Variants in CPNE4 observed in about 807,000 individuals in gnomAD.
The protein encoded by CPNE4 is copine 4, also known as copine-4.
Under a neutral mutation model 67.9 loss-of-function variants are expected in CPNE4, and 25 were observed. That is an observed-to-expected ratio of 0.37 (90% CI 0.27 to 0.51). CPNE4 has a LOEUF of 0.51. Among genes scored for constraint, CPNE4 ranks in the 20% least tolerant of loss-of-function variants. The probability of loss-of-function intolerance (pLI) is 0.93; values close to 1 mark genes in which losing one functional copy is unlikely to be tolerated. For synonymous variants in CPNE4, 242 were observed against 244.9 expected (o/e 0.99, Z 0.11); for missense variants, 464 against 690.8 (o/e 0.67, Z 3.68).
At chr3:131,960,991 A>G (rs1360280571) in intron 1 of CPNE4, among the ~76,000 whole-genome samples, 2 of 152,178 alleles carry the variant, frequency 1.3e-5, no homozygotes, top group African/African-American at 4.8e-5. Context: ...GCTTGGTCCT[A>G]TAACAATGGT....
intron 2 of CPNE4, among the ~76,000 whole-genome samples, chr3:131,892,160 A>G (rs147185165): frequency 2.0e-5 from 3 of 152,088 alleles, no homozygotes; most frequent in African/African-American, 7.2e-5. Context: ...GCCCCTATAA[A>G]AATCCTTGCT....
rs113581237 is a variant in CPNE4 at position 131,746,517 on chromosome 3, G to T, written c.181-22892C>A. Among the ~76,000 whole-genome samples the T allele has an allele frequency of 1.2e-3, 181 of 152,176 alleles. 1 individual carries two copies. Among genetic ancestry groups the T allele is most frequent in the African/African-American group, 4.2e-3 (175 of 41,544 alleles). On this transcript the variant is annotated intron_variant, in intron 2 of 15. Transcript: ENST00000429747. ...TAGATTTCACATATGAGTGAGATAA[G>T]GTGGTATCTGTCTTTCTGTGCCAGA...
At chr3:131,974,833 C>G (rs1192899327) in intron 1 of CPNE4, among the ~76,000 whole-genome samples, 1 of 152,116 alleles carries the variant, frequency 6.6e-6, no homozygotes, top group Non-Finnish European at 1.5e-5. Flanking sequence ...CATGGCAAAA[C>G]CCTGTCTCTA....
chr3:131,656,102 G>A (rs1401577577), intron 7 of CPNE4, among the ~76,000 whole-genome samples: 2 of 148,476 alleles, frequency 1.3e-5, no homozygotes, highest in Admixed American at 1.4e-4. Flanking sequence ...CATTCCTGAA[G>A]GAGTGCTTTT....
intron 1 of CPNE4, among the ~76,000 whole-genome samples, chr3:131,960,356 C>T (rs1425438921): frequency 1.3e-5 from 2 of 152,102 alleles, no homozygotes; most frequent in Admixed American, 6.5e-5. Context: ...TAGGCTATTA[C>T]AGCTAACCAA....
chr3:131,668,993 G>A (rs1192449075), intron 7 of CPNE4, among the ~76,000 whole-genome samples: 1 of 152,138 alleles, frequency 6.6e-6, no homozygotes, highest in African/African-American at 2.4e-5. Context: ...GACCTAGACT[G>A]TGGAGGAAGT....
chr3:131,572,493 T>C (rs1447097474), intron 10 of CPNE4, among the ~76,000 whole-genome samples: 2 of 151,962 alleles, frequency 1.3e-5, no homozygotes, highest in East Asian at 3.9e-4. Flanking sequence ...CTTTGATCTC[T>C]GATGGCTGCC....
intron 2 of CPNE4, among the ~76,000 whole-genome samples, chr3:131,747,452 TATG>T (rs138508183): frequency 0.21 from 31,470 of 151,980 alleles, 3,993 homozygotes; most frequent in Non-Finnish European, 0.27. Context: ...GATTTTTGTA[TATG>T]ATAAGAACTT....
At chr3:131,871,757 G>A (rs1224289791) in intron 2 of CPNE4, among the ~76,000 whole-genome samples, 1 of 152,110 alleles carries the variant, frequency 6.6e-6, no homozygotes, top group Non-Finnish European at 1.5e-5. Context: ...TGAGCTACTG[G>A]TAATCTTCTA....
At chr3:131,808,657 TG>T (rs981190393) in intron 2 of CPNE4, among the ~76,000 whole-genome samples, 1 of 152,202 alleles carries the variant, frequency 6.6e-6, no homozygotes, top group Non-Finnish European at 1.5e-5. Context: ...TGAATAGAAC[TG>T]TTTCATGTGT....
At chr3:131,914,286 T>G (rs983393778) in intron 1 of CPNE4, among the ~76,000 whole-genome samples, 5 of 152,180 alleles carry the variant, frequency 3.3e-5, no homozygotes, top group Admixed American at 6.5e-5. Flanking sequence ...CCTTATAGGT[T>G]AGCTGCTTAA....
intron 7 of CPNE4, among the ~76,000 whole-genome samples, chr3:131,613,099 A>G (rs1262073761): frequency 6.6e-6 from 1 of 152,206 alleles, no homozygotes; most frequent in Non-Finnish European, 1.5e-5. Flanking sequence ...AGAGGAGTCC[A>G]TGGTTGGGTC....
chr3:131,933,746 T>C (rs2071137300), intron 1 of CPNE4, among the ~76,000 whole-genome samples: 1 of 150,556 alleles, frequency 6.6e-6, no homozygotes, highest in Non-Finnish European at 1.5e-5. Flanking sequence ...TTAATGAACC[T>C]GGAGGACATT....
intron 2 of CPNE4, among the ~76,000 whole-genome samples, chr3:131,864,228 T>A (rs1434611985): frequency 6.6e-6 from 1 of 151,154 alleles, no homozygotes. Flanking sequence ...AGTAGTTTTT[T>A]CCAATTCTGT....
At chr3:131,555,188 G>T (rs1936395698) in intron 12 of CPNE4, among the ~76,000 whole-genome samples, 1 of 151,958 alleles carries the variant, frequency 6.6e-6, no homozygotes, top group South Asian at 2.1e-4. Context: ...GAGTGAATAG[G>T]TTCTGAGCCC....
chr3:131,653,182 T>C (rs1336205737), intron 7 of CPNE4, among the ~76,000 whole-genome samples: 1 of 138,696 alleles, frequency 7.2e-6, no homozygotes, highest in African/African-American at 2.8e-5. Context: ...GGAGTCTCGC[T>C]CTGTCCAGGC....
intron 2 of CPNE4, among the ~76,000 whole-genome samples, chr3:131,864,632 T>C (rs1485795547): frequency 6.6e-6 from 1 of 151,918 alleles, no homozygotes; most frequent in African/African-American, 2.4e-5. Context: ...TTTCTAGATA[T>C]ACAGTCATGC....
At chr3:131,816,378 A>G (rs564518818) in intron 2 of CPNE4, among the ~76,000 whole-genome samples, 39 of 152,246 alleles carry the variant, frequency 2.6e-4, no homozygotes, top group African/African-American at 9.4e-4. Context: ...CTCCCATCAG[A>G]GACTTGCCTG....
intron 2 of CPNE4, among the ~76,000 whole-genome samples, chr3:131,798,975 C>G (rs2083996881): frequency 6.6e-6 from 1 of 152,032 alleles, no homozygotes; most frequent in South Asian, 2.1e-4. Context: ...CTTCATTACA[C>G]TTTGAAATTA....
Sources: gnomAD v4.1 joint callset for allele counts (sites outside exome capture counted in the v4.1 genomes callset) on GRCh38, gnomAD v4.1.1 for gene constraint, MANE v1.5 for transcripts, NCBI Gene and HGNC (gene_info 2026-07-23, HGNC 2026-07-21) for gene names.